RNF19A: variants seen among roughly 807,000 people sequenced by gnomAD.
RNF19A encodes the protein ring finger protein 19A, RBR E3 ubiquitin protein ligase.
Under a neutral mutation model 75.7 loss-of-function variants are expected in RNF19A, and 32 were observed. The ratio of observed to expected loss-of-function variants is 0.42; its 90% confidence interval spans 0.32 to 0.57. The LOEUF is 0.57. Among genes scored for constraint, RNF19A ranks in the 20% least tolerant of loss-of-function variants. The probability of loss-of-function intolerance (pLI) is 0.10; values close to 1 mark genes in which losing one functional copy is unlikely to be tolerated. For synonymous variants in RNF19A, 335 were observed against 345.2 expected (o/e 0.97, Z 0.33); for missense variants, 782 against 1,036.3 (o/e 0.75, Z 3.37).
intron 2 of RNF19A, among the ~76,000 whole-genome samples, chr8:100,277,486 G>T (rs1820581690): frequency 6.6e-6 from 1 of 152,010 alleles, no homozygotes; most frequent in African/African-American, 2.4e-5. Flanking sequence ...TAATTTTTTT[G>T]CATTTTTAGT....
intron 1 of RNF19A, among the ~76,000 whole-genome samples, chr8:100,297,086 T>G (rs1002154814): frequency 6.6e-6 from 1 of 152,232 alleles, no homozygotes; most frequent in Non-Finnish European, 1.5e-5. Context: ...TCATCTTTAC[T>G]TAAAATGGCA....
rs374764719 is a variant in RNF19A, at chr8:100,317,104, G to T, written c.-242-3732C>A. Among the ~76,000 whole-genome samples, 3 of 103,992 alleles carry T rather than the reference G, an allele frequency of 2.9e-5. No homozygotes were observed. The highest frequency in any genetic ancestry group is 8.7e-5 in the African/African-American group (3 of 34,426). 68.2% of individuals were successfully genotyped at this position (103,992 alleles called of 152,430 possible). A position where few individuals can be genotyped will look rare whatever the true frequency, so the allele number is the denominator to read the frequency against. On this transcript the variant is annotated intron_variant, in intron 1 of 3. Coordinates refer to the RNF19A transcript ENST00000519527. This position sits in a 1 kb window ranked among gnomAD's most constrained non-coding sequence, Gnocchi z 4.3. The stretch of plus-strand genomic sequence containing the variant: ...GCCAAGCCCACGCCCACGCCCACCC[G>T]GAACTCCAGCTGGCCCGCAAGCGCC...
At position 100,279,020 on chromosome 8, in the gene RNF19A, A is replaced by C. The variant is rs116704596; in HGVS notation, c.675-3859T>G. On this transcript the variant is annotated intron_variant, in intron 2 of 9. Transcript: ENST00000341084. ...AGATCTTCTCAATAATTAAATTTTAAAACAGCTTCATAAATTGCTTTCAGA... is the reference window on the plus strand; with the variant it reads ...AGATCTTCTCAATAATTAAATTTTACAACAGCTTCATAAATTGCTTTCAGA... Among the ~76,000 whole-genome samples the C allele has an allele frequency of 9.5e-3, 1,440 of 152,314 alleles. 21 individuals are homozygous for C. The highest frequency in any genetic ancestry group is 0.032 in the African/African-American group (1,348 of 41,580).
At chr8:100,277,720 A>G (rs1405180578) in intron 2 of RNF19A, among the ~76,000 whole-genome samples, 1 of 152,188 alleles carries the variant, frequency 6.6e-6, no homozygotes, top group Non-Finnish European at 1.5e-5. Context: ...ACAAAGCTTC[A>G]TTTCCCTGAG....
At chr8:100,328,822 T>A (rs1822574116) in intron 1 of RNF19A, among the ~76,000 whole-genome samples, 1 of 152,164 alleles carries the variant, frequency 6.6e-6, no homozygotes, top group African/African-American at 2.4e-5. Context: ...ATCAGGGAGA[T>A]CTTTCCAAAT....
intron 1 of RNF19A, among the ~76,000 whole-genome samples, chr8:100,302,614 G>A (rs976112033): frequency 2.6e-5 from 4 of 152,138 alleles, no homozygotes; most frequent in Non-Finnish European, 4.4e-5. Context: ...ATGTAAAATC[G>A]TGAACACAGA....
At chr8:100,313,911 T>TTTTTTTTTTTTTTTTTA (rs1563872294), upstream of RNF19A, among the ~76,000 whole-genome samples, 10 of 151,104 alleles carry the variant, frequency 6.6e-5, no homozygotes, top group Non-Finnish European at 7.4e-5. Context: ...ACTTTTTTTT[T>TTTTTTTTTTTTTTTTTA]GAGACAGAGT....
At chr8:100,326,040 G>T (rs1030803585) in intron 1 of RNF19A, among the ~76,000 whole-genome samples, 2 of 152,074 alleles carry the variant, frequency 1.3e-5, no homozygotes, top group Non-Finnish European at 2.9e-5. Context: ...GGTGTTTTAT[G>T]CTCTTTGTCT....
rs547910687 is a variant in RNF19A, at chr8:100,315,083, GC to G, written c.-242-1712del. The stretch of plus-strand genomic sequence containing the variant: ...CCAGCACTTTGGGAGGCTGAGGCAA[GC>G]AGATGATTTGGGCCTAGGCAACATG... On this transcript the variant is annotated intron_variant, in intron 1 of 3. Transcript: ENST00000519527. 1.1e-4 allele frequency among the ~76,000 whole-genome samples: 16 copies of G among 152,290 alleles called. 1 individual carries two copies. The South Asian group carries it at 2.7e-3, about 26-fold the overall frequency.
At position 100,287,879 on chromosome 8, in the gene RNF19A, G is replaced by T. The variant is rs752699877; in HGVS notation, c.296C>A (p.Ser99Tyr). 1.2e-6 allele frequency: 2 copies of T among 1,614,146 alleles called. No individual in the cohort carries two copies. Among genetic ancestry groups the T allele is most frequent in the Non-Finnish European group, 1.7e-6 (2 of 1,180,000 alleles). Residue 99 changes from serine (S) to tyrosine (Y), a missense_variant, in exon 2 of 10, where the codon TCT becomes TAT. By Grantham distance (144) the Ser-to-Tyr change is moderately radical. This residue lies in a region of RNF19A where 148 missense variants were observed against 147.9 expected (regional missense o/e 1.00). Coordinates refer to ENST00000341084, the MANE Select transcript of RNF19A (RefSeq NM_183419.4). This position sits in a 1 kb window ranked among gnomAD's most constrained non-coding sequence, Gnocchi z 4.1. ...GGAGTTCTTATCAGTACACATTTCA[G>T]AATGTATACTTTCAATACTTGCAAT... ...DGIASIESIH[S>Y]EMCTDKNSIF...
intron 3 of RNF19A, among the ~76,000 whole-genome samples, chr8:100,272,605 G>T (rs6980982): frequency 0.13 from 19,889 of 151,446 alleles, 3,996 homozygotes; most frequent in African/African-American, 0.43. Flanking sequence ...TAGCACAATG[G>T]CAGCTCACTG....
intron 1 of RNF19A, among the ~76,000 whole-genome samples, chr8:100,297,959 T>C (rs1563861105): frequency 6.6e-6 from 1 of 152,136 alleles, no homozygotes; most frequent in African/African-American, 2.4e-5. Context: ...TGAGTTCAAG[T>C]TCAGCCTCTG....
chr8:100,260,429 CTTTAT>C lies in RNF19A; in HGVS notation c.1683-437_1683-433del, dbSNP rs1332182598. Among the ~76,000 whole-genome samples, 3 of 152,086 alleles carry C rather than the reference CTTTAT, an allele frequency of 2.0e-5. No homozygotes were observed. In the East Asian group the frequency reaches 5.8e-4, roughly 29 times the overall value. On this transcript the variant is annotated intron_variant, in intron 8 of 9. Coordinates refer to ENST00000341084, the MANE Select transcript of RNF19A (RefSeq NM_183419.4). This position sits in a 1 kb window ranked among gnomAD's most constrained non-coding sequence, Gnocchi z 4.1. ...TATAAATAACACCTGCCTTTTAATA[CTTTAT>C]TTATTTATATATATTTTTAGAGACA...
Position 100,275,233 on chromosome 8 carries a change from C to A in RNF19A, c.675-72G>T. ...GATACTCATTTCAAAAAGTATCCAA[C>A]TAAAGATTATTCCTGAAAAACATTT... On this transcript the variant is annotated intron_variant, in intron 2 of 9. Coordinates refer to ENST00000341084, the MANE Select transcript of RNF19A (RefSeq NM_183419.4). This position sits in a 1 kb window ranked among gnomAD's most constrained non-coding sequence, Gnocchi z 4.3. 1 of 1,320,042 alleles carries A rather than the reference C, an allele frequency of 7.6e-7. No homozygotes were observed. Among genetic ancestry groups the A allele is most frequent in the Non-Finnish European group, 1.1e-6 (1 of 928,720 alleles). 81.8% of individuals were successfully genotyped at this position (1,320,042 alleles called of 1,614,324 possible). A position where few individuals can be genotyped will look rare whatever the true frequency, so the allele number is the denominator to read the frequency against.
In RNF19A at chr8:100,259,376, G is replaced by T. The variant is rs2132476534; in HGVS notation, c.1827-130C>A. On this transcript the variant is annotated intron_variant, in intron 9 of 9. Coordinates refer to ENST00000341084, the MANE Select transcript of RNF19A (RefSeq NM_183419.4). The surrounding 1 kb of genome is among the most constrained non-coding windows in gnomAD (Gnocchi z 4.5). ...ATGAGAACACCTTAACGCAGAACAC[G>T]TTCTACTTAAAAAACATACTTGATA... 2.9e-6 allele frequency: 2 copies of T among 680,820 alleles called. No homozygotes were observed. Among genetic ancestry groups the T allele is most frequent in the Non-Finnish European group, 4.9e-6 (2 of 404,924 alleles). 42.2% of individuals were successfully genotyped at this position (680,820 alleles called of 1,614,324 possible).
In RNF19A at chr8:100,261,764, A is replaced by G. The variant is rs1482382312; in HGVS notation, c.1469-9T>C. The G allele has an allele frequency of 6.2e-6, 10 of 1,612,812 alleles. No homozygotes were observed. The highest frequency in any genetic ancestry group is 2.2e-5 in the East Asian group (1 of 44,890). On this transcript the variant is annotated splice_polypyrimidine_tract_variant and intron_variant, in intron 7 of 9. Transcript: ENST00000341084. This position sits in a 1 kb window ranked among gnomAD's most constrained non-coding sequence, Gnocchi z 4.4. ...TGCTACTGATGTTGTGTCTAAATGC[A>G]AATATTCCAAAGAAACTAAGTAAGT...
chr8:100,268,428 T>C (rs936293024), intron 5 of RNF19A, among the ~76,000 whole-genome samples: 6 of 152,172 alleles, frequency 3.9e-5, no homozygotes, highest in African/African-American at 1.2e-4. Flanking sequence ...ATGTGTTATT[T>C]AGCTATTAAC....
intron 1 of RNF19A, among the ~76,000 whole-genome samples, chr8:100,295,843 TTATCA>T (rs1402666961): frequency 5.9e-5 from 9 of 152,230 alleles, no homozygotes; most frequent in African/African-American, 2.2e-4. Flanking sequence ...TTAAACTAGA[TTATCA>T]TATATCACTT....
intron 1 of RNF19A, among the ~76,000 whole-genome samples, chr8:100,289,224 T>C (rs368479522): frequency 2.8e-4 from 42 of 152,248 alleles, no homozygotes; most frequent in African/African-American, 9.9e-4. Flanking sequence ...GGCTCACCCA[T>C]GTGTGAAAAT....
Sources: gnomAD v4.1 joint callset for allele counts (sites outside exome capture counted in the v4.1 genomes callset) on GRCh38, gnomAD v4.1.1 for gene constraint, gnomAD v4.1.1 regional missense constraint, Gnocchi (gnomAD v3.1) non-coding constraint, MANE v1.5 for transcripts, NCBI Gene and HGNC (gene_info 2026-07-23, HGNC 2026-07-21) for gene names.